Variants in PRLR observed in about 807,000 individuals in gnomAD.
The protein encoded by PRLR is hPRL receptor.
In PRLR, 13 loss-of-function variants were observed where a neutral mutation model predicts 40.2. That is an observed-to-expected ratio of 0.32 (90% CI 0.21 to 0.51). The LOEUF (loss-of-function observed/expected upper bound fraction) is 0.51. Ranked by LOEUF, PRLR falls within the 20% of genes least tolerant of loss-of-function variation. The pLI, the probability that PRLR is intolerant of heterozygous loss-of-function variation, is 0.97. For synonymous variants in PRLR, 269 were observed against 278.7 expected (o/e 0.97, Z 0.35); for missense variants, 656 against 747.3 (o/e 0.88, Z 1.42).
At chr5:35,170,493 A>G (rs893882893) in intron 1 of PRLR, among the ~76,000 whole-genome samples, 4 of 152,096 alleles carry the variant, frequency 2.6e-5, no homozygotes, top group Non-Finnish European at 4.4e-5. Context: ...TGTCTCTACA[A>G]AAATAAAAAA....
At chr5:35,070,407 C>A in intron 6 of PRLR, 142 bp from the exon 7 acceptor site, 1 of 899,746 alleles carries the variant, frequency 1.1e-6, no homozygotes, top group Non-Finnish European at 1.7e-6. Flanking sequence ...TGTCTTAGCC[C>A]TATCTTTTCC....
chr5:35,216,633 G>GT (rs1293896818), intron 1 of PRLR, among the ~76,000 whole-genome samples: 4 of 152,232 alleles, frequency 2.6e-5, no homozygotes, highest in Non-Finnish European at 5.9e-5. Flanking sequence ...ACCAAAGACA[G>GT]TGTGCTGCCT....
At chr5:35,201,426 A>G (rs985095050) in intron 1 of PRLR, among the ~76,000 whole-genome samples, 11 of 152,252 alleles carry the variant, frequency 7.2e-5, no homozygotes, top group African/African-American at 2.4e-4. Context: ...GTAAGAAGAC[A>G]GCCTTAAGGC....
At chr5:35,161,665 TA>T (rs1297668496) in intron 1 of PRLR, among the ~76,000 whole-genome samples, 1 of 152,238 alleles carries the variant, frequency 6.6e-6, no homozygotes, top group Non-Finnish European at 1.5e-5. Flanking sequence ...TAATCTGGAA[TA>T]ATCGGTGAGG....
At chr5:35,165,443 G>A (rs1774795109) in intron 1 of PRLR, among the ~76,000 whole-genome samples, 1 of 152,162 alleles carries the variant, frequency 6.6e-6, no homozygotes, top group South Asian at 2.1e-4. Flanking sequence ...GCTACTGAAT[G>A]GAAATAATGA....
At chr5:35,120,994 G>T (rs536727343) in intron 1 of PRLR, among the ~76,000 whole-genome samples, 1 of 152,272 alleles carries the variant, frequency 6.6e-6, no homozygotes, top group South Asian at 2.1e-4. Context: ...AAATAAACAG[G>T]CTGGATCTGG....
chr5:35,114,171 G>C (rs958777682), intron 2 of PRLR, among the ~76,000 whole-genome samples: 1 of 152,066 alleles, frequency 6.6e-6, no homozygotes, highest in African/African-American at 2.4e-5. Flanking sequence ...ACACATTTAG[G>C]GACTTGGACA....
intron 1 of PRLR, among the ~76,000 whole-genome samples, chr5:35,148,055 T>C (rs1168377200): frequency 1.3e-5 from 2 of 152,176 alleles, no homozygotes; most frequent in Non-Finnish European, 2.9e-5. Flanking sequence ...TTTATACTCA[T>C]TTGTAAGGCA....
chr5:35,067,949 T>C (rs1769481786), intron 9 of PRLR, among the ~76,000 whole-genome samples: 1 of 152,250 alleles, frequency 6.6e-6, no homozygotes, highest in Non-Finnish European at 1.5e-5. Flanking sequence ...TTTATCTCTA[T>C]GCTTATGAGT....
intron 8 of PRLR, among the ~76,000 whole-genome samples, chr5:35,050,337 A>C (rs1433064968): frequency 2.0e-5 from 3 of 152,234 alleles, no homozygotes; most frequent in Non-Finnish European, 4.4e-5. Context: ...GTCATTTGGA[A>C]TATCAATCCA....
chr5:35,150,436 T>C (rs2111859924), intron 1 of PRLR, among the ~76,000 whole-genome samples: 1 of 152,232 alleles, frequency 6.6e-6, no homozygotes, highest in East Asian at 1.9e-4. Flanking sequence ...TTACGCATTC[T>C]TTGCAGCCTT....
At chr5:35,212,862 G>T (rs372459731) in intron 1 of PRLR, among the ~76,000 whole-genome samples, 1 of 152,186 alleles carries the variant, frequency 6.6e-6, no homozygotes, top group African/African-American at 2.4e-5. Flanking sequence ...TGGCTCAGCA[G>T]CCAAGTCCAA....
chr5:35,075,571 C>T (rs535120281), intron 5 of PRLR, among the ~76,000 whole-genome samples: 1 of 152,308 alleles, frequency 6.6e-6, no homozygotes, highest in South Asian at 2.1e-4. Flanking sequence ...CACCCCAGCT[C>T]AAGGAGGCCG....
intron 1 of PRLR, among the ~76,000 whole-genome samples, chr5:35,210,871 C>T (rs1020013109): frequency 3.3e-5 from 5 of 152,048 alleles, no homozygotes; most frequent in East Asian, 1.9e-4. Context: ...ACACCATGCT[C>T]GTCTAATTTT....
At chr5:35,175,660 T>A (rs1021511603) in intron 1 of PRLR, among the ~76,000 whole-genome samples, 8 of 152,230 alleles carry the variant, frequency 5.3e-5, no homozygotes, top group African/African-American at 1.9e-4. Flanking sequence ...TGTGCCAAAC[T>A]GTTCTGCAAG....
chr5:35,094,244 C>T (rs1261395288), intron 2 of PRLR, among the ~76,000 whole-genome samples: 24 of 152,152 alleles, frequency 1.6e-4, no homozygotes, highest in Non-Finnish European at 1.5e-5. Context: ...ATTTTACCTA[C>T]CTTTGAACTT....
chr5:35,187,571 C>T (rs1052117421), intron 1 of PRLR, among the ~76,000 whole-genome samples: 13 of 152,088 alleles, frequency 8.5e-5, no homozygotes, highest in Non-Finnish European at 1.0e-4. Context: ...GGGTGCAAGC[C>T]CCTGACCTCT....
chr5:35,069,252 AAAG>A (rs150139009), intron 7 of PRLR, among the ~76,000 whole-genome samples: 1,729 of 152,304 alleles, frequency 0.011, 28 homozygotes, highest in South Asian at 0.082. Context: ...CTTTGTTATA[AAAG>A]ATAAGAAAAC....
chr5:35,117,563 G>A lies in PRLR; in HGVS notation c.-44+498C>T, dbSNP rs560123784. 2.0e-5 allele frequency among the ~76,000 whole-genome samples: 3 copies of A among 152,320 alleles called. No homozygotes were observed. The East Asian group carries it at 5.8e-4, about 29-fold the overall frequency. ...GGGTTTCCTTGCCACTGGCAGATGA[G>A]AGAAGACCCAGAGCCTGTCACACAT... On this transcript the variant is annotated intron_variant, in intron 2 of 9. Coordinates refer to ENST00000618457, the MANE Select transcript of PRLR (RefSeq NM_000949.7).
Sources: gnomAD v4.1 joint callset for allele counts (sites outside exome capture counted in the v4.1 genomes callset) on GRCh38, gnomAD v4.1.1 for gene constraint, MANE v1.5 for transcripts, NCBI Gene and HGNC (gene_info 2026-07-23, HGNC 2026-07-21) for gene names.